CNTNAP2: variants seen among roughly 807,000 people sequenced by gnomAD.
CNTNAP2 encodes the protein contactin-associated protein-like 2.
A neutral mutation model predicts 155.2 loss-of-function variants in CNTNAP2; 98 were observed. The observed-to-expected ratio is 0.63, with a 90% CI of 0.54 to 0.75. The LOEUF is 0.75. CNTNAP2 is among the 30% of genes least tolerant of loss of function. CNTNAP2 has a pLI of 0.00. For missense variants in CNTNAP2, 1,727 were observed against 1,688.1 expected, an observed-to-expected ratio of 1.02 and a Z score of -0.40; for synonymous variants, 651 against 631.2, an observed-to-expected ratio of 1.03 and a Z score of -0.47.
rs374714150 is a variant in CNTNAP2, at chr7:146,671,030, A to T, written c.98-103241A>T. ...AGTTTATAAACACAACGAACTTCAA[A>T]GGTGCCATCCAGCTCCTCAAATTCT... On this transcript the variant is annotated intron_variant, in intron 1 of 23. Transcript: ENST00000361727. Among the ~76,000 whole-genome samples the T allele has an allele frequency of 9.2e-5, 14 of 152,324 alleles. 1 individual carries two copies. In the South Asian group the frequency reaches 2.9e-3, roughly 32 times the overall value.
intron 1 of CNTNAP2, among the ~76,000 whole-genome samples, chr7:146,671,244 G>A (rs1378547948): frequency 6.6e-6 from 1 of 152,168 alleles, no homozygotes; most frequent in African/African-American, 2.4e-5. Flanking sequence ...TACATAGGAG[G>A]TTTCCCAAGA....
At chr7:147,634,870 G>A (rs543766734) in intron 12 of CNTNAP2, among the ~76,000 whole-genome samples, 4 of 152,054 alleles carry the variant, frequency 2.6e-5, no homozygotes, top group Non-Finnish European at 4.4e-5. Context: ...GGTCATGCTC[G>A]TCCCATGCCC....
intron 1 of CNTNAP2, among the ~76,000 whole-genome samples, chr7:146,171,822 A>G (rs1436965641): frequency 6.6e-6 from 1 of 152,132 alleles, no homozygotes; most frequent in Non-Finnish European, 1.5e-5. Context: ...TTGATATCTT[A>G]AATAGTGCTA....
intron 11 of CNTNAP2, among the ~76,000 whole-genome samples, chr7:147,529,565 T>A (rs998340866): frequency 1.3e-5 from 2 of 152,140 alleles, no homozygotes; most frequent in Non-Finnish European, 1.5e-5. Flanking sequence ...TCTATTTTCT[T>A]GTTTGTTTGT....
At chr7:147,402,451 G>A (rs1417740238) in intron 10 of CNTNAP2, among the ~76,000 whole-genome samples, 2 of 152,170 alleles carry the variant, frequency 1.3e-5, no homozygotes, top group Admixed American at 6.5e-5. Flanking sequence ...TGGGATCTGT[G>A]TTTAAGGTGA....
chr7:147,167,866 A>C (rs2116468998), intron 8 of CNTNAP2, among the ~76,000 whole-genome samples: 1 of 152,158 alleles, frequency 6.6e-6, no homozygotes, highest in African/African-American at 2.4e-5. Flanking sequence ...CAGGGGTGAG[A>C]TCTTGTTACT....
chr7:146,639,818 A>T (rs772390508), intron 1 of CNTNAP2, among the ~76,000 whole-genome samples: 31 of 152,354 alleles, frequency 2.0e-4, no homozygotes, highest in Non-Finnish European at 3.2e-4. Flanking sequence ...GGACACTGAA[A>T]CTTATAAAGG....
chr7:147,546,987 T>A (rs1049570345), intron 11 of CNTNAP2, among the ~76,000 whole-genome samples: 1 of 152,166 alleles, frequency 6.6e-6, no homozygotes, highest in African/African-American at 2.4e-5. Context: ...ATGCTGTATC[T>A]GTGATTAGCT....
In CNTNAP2 at chr7:146,262,121, C is replaced by G. The variant is rs900891565; in HGVS notation, c.97+145148C>G. The stretch of plus-strand genomic sequence containing the variant: ...TGCCACTCAGCCATTTCATTTCAAC[C>G]CCTTTAGCACATGACCTTAGCCACT... On this transcript the variant is annotated intron_variant, in intron 1 of 23. Transcript: ENST00000361727. Among the ~76,000 whole-genome samples, 11 of 152,122 alleles carry G rather than the reference C, an allele frequency of 7.2e-5. No individual in the cohort carries two copies. The South Asian group carries it at 2.1e-3, about 29-fold the overall frequency.
chr7:147,580,702 G>A (rs5003022), intron 12 of CNTNAP2, among the ~76,000 whole-genome samples: 104,419 of 151,102 alleles, frequency 0.69, 36,621 homozygotes, highest in African/African-American at 0.81. Context: ...TGCAACCTTC[G>A]CCTCCCAGGT....
intron 1 of CNTNAP2, among the ~76,000 whole-genome samples, chr7:146,236,394 T>G (rs11770001): frequency 6.6e-6 from 1 of 150,912 alleles, no homozygotes; most frequent in Admixed American, 6.7e-5. Flanking sequence ...AAATAAATAA[T>G]TAAATAAATA....
chr7:148,093,690 A>G (rs958387399), intron 15 of CNTNAP2, among the ~76,000 whole-genome samples: 42 of 152,228 alleles, frequency 2.8e-4, no homozygotes, highest in Non-Finnish European at 4.4e-4. Flanking sequence ...GGATTGTCTG[A>G]AACCCATTAC....
At chr7:146,440,662 C>A (rs1796307948) in intron 1 of CNTNAP2, among the ~76,000 whole-genome samples, 1 of 151,554 alleles carries the variant, frequency 6.6e-6, no homozygotes, top group Admixed American at 6.6e-5. Flanking sequence ...GTAAATATTT[C>A]ACAATTTTCC....
At chr7:146,170,018 CTTT>C in intron 1 of CNTNAP2, among the ~76,000 whole-genome samples, 1 of 126,924 alleles carries the variant, frequency 7.9e-6, no homozygotes, top group African/African-American at 2.9e-5. Flanking sequence ...CCTTTCTTTT[CTTT>C]TTTTTTTTTT....
rs1037661688 is a variant in CNTNAP2 at position 146,982,557 on chromosome 7, C to T, written c.403-61350C>T. On this transcript the variant is annotated intron_variant, in intron 3 of 23. Transcript: ENST00000361727. ...AGAAGGGTATTTCTTCACAGGAACACGTGTTGCTATGTGTGTGATTAAGAG... is the reference window on the plus strand; with the variant it reads ...AGAAGGGTATTTCTTCACAGGAACATGTGTTGCTATGTGTGTGATTAAGAG... Among the ~76,000 whole-genome samples the T allele has an allele frequency of 5.9e-5, 9 of 152,204 alleles. No individual in the cohort carries two copies. The East Asian group carries it at 1.4e-3, about 23-fold the overall frequency.
chr7:146,550,229 G>T (rs891998503), intron 1 of CNTNAP2, among the ~76,000 whole-genome samples: 2 of 151,698 alleles, frequency 1.3e-5, no homozygotes, highest in South Asian at 4.2e-4. Context: ...TGTACCTAAG[G>T]GTCACCGATC....
intron 14 of CNTNAP2, among the ~76,000 whole-genome samples, chr7:147,929,248 A>G (rs186627952): frequency 1.4e-4 from 22 of 152,276 alleles, no homozygotes; most frequent in Non-Finnish European, 2.4e-4. Flanking sequence ...AAGTTCAGCT[A>G]CACAGAATTT....
chr7:147,809,989 T>C (rs1798154846), intron 13 of CNTNAP2, among the ~76,000 whole-genome samples: 1 of 152,192 alleles, frequency 6.6e-6, no homozygotes, highest in African/African-American at 2.4e-5. Flanking sequence ...GGTAGACATT[T>C]GTAAATGTGA....
intron 3 of CNTNAP2, among the ~76,000 whole-genome samples, chr7:146,840,381 A>C (rs188306197): frequency 6.6e-6 from 1 of 152,202 alleles, no homozygotes; most frequent in African/African-American, 2.4e-5. Flanking sequence ...TTATTCCTTT[A>C]TTATGAAAGA....
Sources: allele counts gnomAD v4.1 joint callset (sites outside exome capture counted in the v4.1 genomes callset), GRCh38; gene constraint gnomAD v4.1.1; transcripts MANE v1.5; gene names NCBI Gene and HGNC (gene_info 2026-07-23, HGNC 2026-07-21).